Variants in TNKS2 observed in about 807,000 individuals in gnomAD.
The protein encoded by TNKS2 is tankyrase 2.
TNKS2 carries 72 observed loss-of-function variants against 137.6 expected under a neutral mutation model. That is an observed-to-expected ratio of 0.52 (90% confidence interval 0.43 to 0.64). The LOEUF is 0.64. Among genes scored for constraint, TNKS2 ranks in the 30% least tolerant of loss-of-function variants. The pLI is 0.00. For synonymous variants in TNKS2, 516 were observed against 512.1 expected, an observed-to-expected ratio of 1.01 and a Z score of -0.10; for missense variants, 1,049 against 1,410.2, an observed-to-expected ratio of 0.74 and a Z score of 4.10.
intron 11 of TNKS2, among the ~76,000 whole-genome samples, chr10:91,831,784 T>A (rs1404969530): frequency 6.6e-6 from 1 of 152,184 alleles, no homozygotes; most frequent in Non-Finnish European, 1.5e-5. Flanking sequence ...GTAAAAGATA[T>A]ACATAGCATC....
intron 11 of TNKS2, among the ~76,000 whole-genome samples, chr10:91,832,408 G>GA (rs1315220430): frequency 1.3e-5 from 2 of 151,772 alleles, no homozygotes; most frequent in Non-Finnish European, 2.9e-5. Context: ...CTAAAACCAG[G>GA]AAAGTCCTAG....
chr10:91,828,256 A>G, intron 8 of TNKS2, 29 bp from the exon 9 acceptor site: 4 of 1,522,050 alleles, frequency 2.6e-6, no homozygotes, highest in East Asian at 2.4e-5. Context: ...TGAACTCGTT[A>G]TACATGTAAA....
chr10:91,823,232 C>T (rs1185514890), intron 7 of TNKS2, among the ~76,000 whole-genome samples: 1 of 151,802 alleles, frequency 6.6e-6, no homozygotes, highest in African/African-American at 2.4e-5. Context: ...TGGTAAGGTT[C>T]ACTTCTTCCA....
At chr10:91,838,570 G>C (rs1285660574) in intron 13 of TNKS2, among the ~76,000 whole-genome samples, 1 of 152,180 alleles carries the variant, frequency 6.6e-6, no homozygotes, top group Non-Finnish European at 1.5e-5. Flanking sequence ...AGAATGGCCT[G>C]TGATAACTAC....
At chr10:91,809,591 G>T (rs1030588141) in intron 1 of TNKS2, among the ~76,000 whole-genome samples, 2 of 151,884 alleles carry the variant, frequency 1.3e-5, no homozygotes, top group African/African-American at 4.8e-5. Context: ...GCGTGAACCT[G>T]GGAGGCGGAG....
At chr10:91,822,968 G>A (rs1009717573) in intron 7 of TNKS2, among the ~76,000 whole-genome samples, 24 of 150,282 alleles carry the variant, frequency 1.6e-4, no homozygotes, top group Non-Finnish European at 2.8e-4. Context: ...CAGGAGAATC[G>A]TTTGAACCCT....
At chr10:91,811,412 G>C (rs972163128) in intron 1 of TNKS2, among the ~76,000 whole-genome samples, 1 of 151,648 alleles carries the variant, frequency 6.6e-6, no homozygotes, top group Non-Finnish European at 1.5e-5. Flanking sequence ...AGTCTTTTCC[G>C]TTCTCTGCTT....
intron 13 of TNKS2, among the ~76,000 whole-genome samples, chr10:91,838,792 C>G (rs1334668042): frequency 6.6e-6 from 1 of 152,138 alleles, no homozygotes; most frequent in Non-Finnish European, 1.5e-5. Flanking sequence ...TTTTATTGAG[C>G]TTAGGTTATC....
rs540422616 is a variant in TNKS2, at chr10:91,851,603, A to G, written c.2815+267A>G. 2.0e-5 allele frequency among the ~76,000 whole-genome samples: 3 copies of G among 152,338 alleles called. No homozygotes were observed. The South Asian group carries it at 6.2e-4, about 32-fold the overall frequency. On this transcript the variant is annotated intron_variant, in intron 21 of 26. Coordinates refer to ENST00000371627, the MANE Select transcript of TNKS2 (RefSeq NM_025235.4). ...TTTAGCTCCTGAAAATAAGGAAGTT[A>G]GTTTGAGATTATTTTCTGAAGTTAT...
chr10:91,801,767 C>T (rs1340963470), intron 1 of TNKS2, among the ~76,000 whole-genome samples: 3 of 152,148 alleles, frequency 2.0e-5, no homozygotes, highest in Non-Finnish European at 2.9e-5. Context: ...CCACTGCGCC[C>T]GGCCAGGAAT....
chr10:91,855,399 G>A (rs971965054), intron 22 of TNKS2, among the ~76,000 whole-genome samples: 4 of 152,012 alleles, frequency 2.6e-5, no homozygotes, highest in African/African-American at 9.7e-5. Flanking sequence ...TGTTGCCCAG[G>A]CTGGTCTTGA....
In TNKS2 at chr10:91,851,299, A is replaced by C. The variant is rs1268311156; in HGVS notation, c.2778A>C (p.Leu926=). Residue 926 remains leucine, a synonymous_variant, in exon 21 of 27, where the codon CTA becomes CTC. Coordinates refer to ENST00000371627, the MANE Select transcript of TNKS2 (RefSeq NM_025235.4). ...GINAYGHRHK[L]IKGVERLISG... ...ATGCTTATGGACATAGGCACAAACT[A>C]ATTAAAGGAGTCGAGAGACTTATCT... The C allele has an allele frequency of 6.2e-7, 1 of 1,608,446 alleles. No individual in the cohort carries two copies. Among genetic ancestry groups the C allele is most frequent in the African/African-American group, 1.3e-5 (1 of 74,562 alleles).
chr10:91,853,241 T>C (rs1842604023), intron 21 of TNKS2, among the ~76,000 whole-genome samples: 1 of 152,206 alleles, frequency 6.6e-6, no homozygotes. Flanking sequence ...AATGGATACA[T>C]TGCCTCCAAA....
At chr10:91,809,355 A>C (rs1469589866) in intron 1 of TNKS2, among the ~76,000 whole-genome samples, 1 of 152,166 alleles carries the variant, frequency 6.6e-6, no homozygotes, top group Non-Finnish European at 1.5e-5. Context: ...TCCTAACCAA[A>C]TCAGTCTTAA....
chr10:91,807,961 A>C (rs1844382033), intron 1 of TNKS2, among the ~76,000 whole-genome samples: 1 of 149,860 alleles, frequency 6.7e-6, no homozygotes, highest in Admixed American at 6.7e-5. Context: ...GGGCCACTGC[A>C]CTTCAGCCTG....
At chr10:91,858,434 C>A (rs1228958101) in intron 24 of TNKS2, among the ~76,000 whole-genome samples, 1 of 152,090 alleles carries the variant, frequency 6.6e-6, no homozygotes, top group Non-Finnish European at 1.5e-5. Flanking sequence ...CAAGTTAATT[C>A]AAAAAATGAT....
intron 15 of TNKS2, 83 bp from the exon 16 acceptor site, chr10:91,842,089 A>G (rs1842223797): frequency 1.2e-6 from 1 of 844,394 alleles, no homozygotes; most frequent in Non-Finnish European, 1.8e-6. Context: ...TTTCTTTGGT[A>G]TAGTTAACAC....
At chr10:91,862,581 C>T (rs1564633170) in intron 26 of TNKS2, among the ~76,000 whole-genome samples, 2 of 152,074 alleles carry the variant, frequency 1.3e-5, no homozygotes, top group Non-Finnish European at 2.9e-5. Context: ...ATTTAACAGC[C>T]TGTCCATAGC....
At chr10:91,828,237 T>C (rs760521448) in intron 8 of TNKS2, 48 bp from the exon 9 acceptor site, 2 of 1,421,270 alleles carry the variant, frequency 1.4e-6, no homozygotes, top group South Asian at 3.2e-5. Flanking sequence ...TAGATAAGGC[T>C]TTTCAATTTG....
Sources: gnomAD v4.1 joint callset for allele counts (sites outside exome capture counted in the v4.1 genomes callset) on GRCh38, gnomAD v4.1.1 for gene constraint, MANE v1.5 for transcripts, NCBI Gene and HGNC (gene_info 2026-07-23, HGNC 2026-07-21) for gene names.